The following ANO1 variants were observed in gnomAD, a reference collection of about 807,000 sequenced individuals.
The protein encoded by ANO1 is anoctamin 1.
Under a neutral mutation model 124.0 loss-of-function variants are expected in ANO1, and 59 were observed. That is an observed-to-expected ratio of 0.48 (90% CI 0.39 to 0.59). The LOEUF is 0.59. Ranked by LOEUF, ANO1 falls within the 20% of genes least tolerant of loss-of-function variation. The probability of loss-of-function intolerance (pLI) is 0.00; values close to 1 mark genes in which losing one functional copy is unlikely to be tolerated. For missense variants in ANO1, 1,059 were observed against 1,328.0 expected, an observed-to-expected ratio of 0.80 and a Z score of 3.15; for synonymous variants, 529 against 532.0, an observed-to-expected ratio of 0.99 and a Z score of 0.08.
At chr11:69,994,072 A>G (rs76347113) in intron 1 of ANO1, among the ~76,000 whole-genome samples, 4,063 of 147,064 alleles carry the variant, frequency 0.028, 247 homozygotes, top group East Asian at 0.27. Flanking sequence ...TGTTTTTGCC[A>G]ATTTGATTTT....
At chr11:70,162,333 G>A (rs1436327708) in intron 18 of ANO1, among the ~76,000 whole-genome samples, 3 of 152,226 alleles carry the variant, frequency 2.0e-5, no homozygotes, top group Middle Eastern at 3.4e-3. Flanking sequence ...GGACCCCAGG[G>A]ACTCCAGGCA....
At chr11:70,180,515 C>A (rs1243283515) in intron 23 of ANO1, among the ~76,000 whole-genome samples, 1 of 152,128 alleles carries the variant, frequency 6.6e-6, no homozygotes, top group Non-Finnish European at 1.5e-5. Context: ...TCAGGTGATT[C>A]GCCCTCCTCG....
At position 70,106,484 on chromosome 11, in the gene ANO1, A is replaced by C. The variant is rs2045553196; in HGVS notation, c.747+696A>C. On this transcript the variant is annotated intron_variant, in intron 5 of 25. Coordinates refer to ENST00000355303, the MANE Select transcript of ANO1 (RefSeq NM_018043.7). The stretch of plus-strand genomic sequence containing the variant: ...GGAGACAGTCAGGGTGACCTTGTCC[A>C]GACAACTACTCCTCATGACCACCAC... Among the ~76,000 whole-genome samples, 2 of 152,186 alleles carry C rather than the reference A, an allele frequency of 1.3e-5. 1 individual carries two copies. Among genetic ancestry groups the C allele is most frequent in the South Asian group, 4.1e-4 (2 of 4,824 alleles).
At chr11:70,131,833 C>A (rs533279094) in intron 10 of ANO1, 86 bp from the exon 11 acceptor site, 1 of 1,477,836 alleles carries the variant, frequency 6.8e-7, no homozygotes, top group Middle Eastern at 1.8e-4. Context: ...TTGGGCCCAG[C>A]GCTTTCTCCC....
chr11:70,077,733 C>CAG (rs2044080795), upstream of ANO1, among the ~76,000 whole-genome samples: 1 of 152,320 alleles, frequency 6.6e-6, no homozygotes, highest in Admixed American at 6.5e-5. Context: ...TCCAACCTTG[C>CAG]AGGTGCGGGG....
intron 1 of ANO1, among the ~76,000 whole-genome samples, chr11:70,006,057 T>C (rs1554999982): frequency 6.6e-6 from 1 of 152,178 alleles, no homozygotes; most frequent in Non-Finnish European, 1.5e-5. Flanking sequence ...ATGACCACGT[T>C]TGTGGGAAGA....
At chr11:70,165,620 G>A (rs1334549980) in intron 20 of ANO1, 50 bp downstream of exon 20, 1 of 1,486,134 alleles carries the variant, frequency 6.7e-7, no homozygotes, top group African/African-American at 1.4e-5. Context: ...CCAGGCGGAG[G>A]GGTGTGTGGG....
chr11:70,086,018 C>A (rs11233525), intron 1 of ANO1, among the ~76,000 whole-genome samples: 2 of 152,226 alleles, frequency 1.3e-5, no homozygotes, highest in African/African-American at 4.8e-5. Context: ...CACAGGTGCT[C>A]GGGCCCTGCC....
upstream of ANO1, among the ~76,000 whole-genome samples, chr11:69,982,682 G>T (rs1174197096): frequency 6.6e-6 from 1 of 152,196 alleles, no homozygotes; most frequent in Non-Finnish European, 1.5e-5. Flanking sequence ...GACTGACTCT[G>T]TTAGGCTGCA....
In ANO1 at chr11:70,161,147, T is replaced by G. The variant is rs764870293; in HGVS notation, c.1579-14T>G. 6 of 1,610,492 alleles carry G rather than the reference T, an allele frequency of 3.7e-6. No homozygotes were observed. Among genetic ancestry groups the G allele is most frequent in the Non-Finnish European group, 5.1e-6 (6 of 1,178,568 alleles). On this transcript the variant is annotated splice_polypyrimidine_tract_variant and intron_variant, in intron 16 of 25. Transcript: ENST00000355303. ...GTGGGCCCCCAACCAAGAGTGCCCCTTTCCCCCCTGCAGATTGCAGTGACG... is the reference window on the plus strand; with the variant it reads ...GTGGGCCCCCAACCAAGAGTGCCCCGTTCCCCCCTGCAGATTGCAGTGACG...
intron 11 of ANO1, among the ~76,000 whole-genome samples, chr11:70,148,079 T>C (rs934768616): frequency 1.3e-5 from 2 of 152,226 alleles, no homozygotes; most frequent in Admixed American, 6.5e-5. Flanking sequence ...GGATGTGTTA[T>C]GCATAGACTC....
chr11:70,101,885 C>G (rs1436122697), intron 2 of ANO1, among the ~76,000 whole-genome samples: 1 of 152,156 alleles, frequency 6.6e-6, no homozygotes, highest in Non-Finnish European at 1.5e-5. Flanking sequence ...CTGTCTGACC[C>G]CCAAGCCCCG....
At chr11:70,071,544 C>T (rs1277339594) in intron 1 of ANO1, among the ~76,000 whole-genome samples, 3 of 152,062 alleles carry the variant, frequency 2.0e-5, no homozygotes, top group African/African-American at 2.4e-5. Context: ...TAAGATATGC[C>T]GTAAAGTAAA....
chr11:70,116,421 GGAT>G, intron 7 of ANO1, 34 bp from the exon 8 acceptor site: 2 of 1,576,194 alleles, frequency 1.3e-6, no homozygotes, highest in Non-Finnish European at 1.7e-6. Flanking sequence ...AAGCTCCATT[GGAT>G]GATAAGAACG....
At chr11:70,187,206 C>T (rs1299136458) in intron 25 of ANO1, among the ~76,000 whole-genome samples, 1 of 152,232 alleles carries the variant, frequency 6.6e-6, no homozygotes. Context: ...GGAACCTGCT[C>T]AGCCGGGGGT....
rs767515146 is a variant in ANO1, at chr11:70,137,395, G to A, written c.1258+5316G>A. On this transcript the variant is annotated intron_variant, in intron 11 of 25. Coordinates refer to ENST00000355303, the MANE Select transcript of ANO1 (RefSeq NM_018043.7). ...CCTCCCTGGACGCTGCGTCCATCTGGAACTATCTCCACAAACCCCCCACCC... is the reference window on the plus strand; with the variant it reads ...CCTCCCTGGACGCTGCGTCCATCTGAAACTATCTCCACAAACCCCCCACCC... Among the ~76,000 whole-genome samples the A allele has an allele frequency of 8.2e-4, 113 of 137,060 alleles. 8 individuals carry two copies. The highest frequency in any genetic ancestry group is 1.5e-3 in the Non-Finnish European group (92 of 62,312). 89.9% of individuals were successfully genotyped at this position (137,060 alleles called of 152,430 possible).
At chr11:70,150,772 A>C (rs2047572317) in intron 12 of ANO1, among the ~76,000 whole-genome samples, 1 of 152,236 alleles carries the variant, frequency 6.6e-6, no homozygotes, top group South Asian at 2.1e-4. Flanking sequence ...CTTTTAAAAA[A>C]AAAAGAACTT....
intron 11 of ANO1, among the ~76,000 whole-genome samples, chr11:70,147,427 G>A (rs990053602): frequency 6.6e-6 from 1 of 152,180 alleles, no homozygotes; most frequent in Non-Finnish European, 1.5e-5. Flanking sequence ...GGGGCCTCCT[G>A]CTGGGCCCCC....
chr11:70,110,647 C>T (rs1030906768), intron 6 of ANO1, among the ~76,000 whole-genome samples: 1 of 152,074 alleles, frequency 6.6e-6, no homozygotes, highest in Non-Finnish European at 1.5e-5. Flanking sequence ...AGGTCATTTT[C>T]CCGCCGCTAT....
Sources: allele counts gnomAD v4.1 joint callset (sites outside exome capture counted in the v4.1 genomes callset), GRCh38; gene constraint gnomAD v4.1.1; transcripts MANE v1.5; gene names NCBI Gene and HGNC (gene_info 2026-07-23, HGNC 2026-07-21).